Variants in BICC1 observed in about 807,000 individuals in gnomAD.
The protein encoded by BICC1 is protein bicaudal C homolog 1.
In BICC1, 43 loss-of-function variants were observed where a neutral mutation model predicts 111.0. The ratio of observed to expected loss-of-function variants is 0.39; its 90% CI spans 0.30 to 0.50. The LOEUF (loss-of-function observed/expected upper bound fraction) is 0.50, where lower values mean the gene tolerates loss of function less well. BICC1 is among the 20% of genes least tolerant of loss of function. The probability of loss-of-function intolerance (pLI) is 0.88; values close to 1 mark genes in which losing one functional copy is unlikely to be tolerated. For missense variants in BICC1, 1,091 were observed against 1,203.2 expected (o/e 0.91, Z 1.38); for synonymous variants, 467 against 434.4 (o/e 1.07, Z -0.93).
chr10:58,513,658 C>T (rs1842160317), intron 1 of BICC1, among the ~76,000 whole-genome samples: 1 of 152,254 alleles, frequency 6.6e-6, no homozygotes, highest in Admixed American at 6.5e-5. Context: ...GACACCTGGG[C>T]TGTGCCATCC....
chr10:58,526,164 A>G (rs1658489), intron 1 of BICC1, among the ~76,000 whole-genome samples: 69,596 of 151,418 alleles, frequency 0.46, 17,055 homozygotes, highest in Admixed American at 0.62. Flanking sequence ...GCAACAACTC[A>G]TGACATACAG....
chr10:58,696,420 T>G lies in BICC1; in HGVS notation c.238-5654T>G, dbSNP rs557038556. On this transcript the variant is annotated intron_variant, in intron 2 of 20. Transcript: ENST00000373886. ...AATTGATATTCTTTGGGCAAGCCCTTTTTTTACTATGAATATTTGCTATTC... is the reference window on the plus strand; with the variant it reads ...AATTGATATTCTTTGGGCAAGCCCTGTTTTTACTATGAATATTTGCTATTC... Among the ~76,000 whole-genome samples, 25 of 152,252 alleles carry G rather than the reference T, an allele frequency of 1.6e-4. No individual in the cohort carries two copies. In the South Asian group the frequency reaches 4.8e-3, roughly 29 times the overall value.
At chr10:58,789,092 A>G (rs973980671) in intron 6 of BICC1, among the ~76,000 whole-genome samples, 170 bp from the exon 7 acceptor site, 2 of 152,142 alleles carry the variant, frequency 1.3e-5, no homozygotes, top group African/African-American at 4.8e-5. Flanking sequence ...CTCTGACTCA[A>G]AAAACAGAAA....
chr10:58,562,473 T>C (rs934840905), intron 1 of BICC1, among the ~76,000 whole-genome samples: 1 of 152,096 alleles, frequency 6.6e-6, no homozygotes, highest in Non-Finnish European at 1.5e-5. Flanking sequence ...TTTTGTTCTT[T>C]TTTATATCTA....
chr10:58,521,484 A>G (rs911507336), intron 1 of BICC1, among the ~76,000 whole-genome samples: 5 of 152,104 alleles, frequency 3.3e-5, no homozygotes, highest in African/African-American at 1.2e-4. Context: ...AGCAAAGGAC[A>G]TGGAAATTTT....
chr10:58,794,194 T>TGC lies in BICC1; in HGVS notation c.1179+580_1179+581insCG, dbSNP rs1445782942. ...GTGTGTGTGTGTGTGTGTGTGTGTG[T>TGC]GTGTGTGTGTGTGTGTACATGCCCA... On this transcript the variant is annotated intron_variant, in intron 9 of 20. Transcript: ENST00000373886. 1.5e-3 allele frequency among the ~76,000 whole-genome samples: 220 copies of TGC among 151,548 alleles called. 4 individuals are homozygous for TGC. The East Asian group carries it at 0.026, about 18-fold the overall frequency.
At chr10:58,668,618 T>C (rs1839089909) in intron 2 of BICC1, among the ~76,000 whole-genome samples, 1 of 152,086 alleles carries the variant, frequency 6.6e-6, no homozygotes, top group Non-Finnish European at 1.5e-5. Flanking sequence ...GGGAAAAGTG[T>C]TTTATTGATA....
intron 2 of BICC1, among the ~76,000 whole-genome samples, chr10:58,682,431 A>G (rs1373232995): frequency 6.6e-6 from 1 of 152,206 alleles, no homozygotes; most frequent in African/African-American, 2.4e-5. Context: ...TAGATCCTTG[A>G]GGAATTGCCA....
At chr10:58,596,463 T>G (rs1844816544) in intron 1 of BICC1, among the ~76,000 whole-genome samples, 1 of 152,114 alleles carries the variant, frequency 6.6e-6, no homozygotes, top group Non-Finnish European at 1.5e-5. Context: ...TCATAGTAAA[T>G]GGGCAAAACT....
intron 3 of BICC1, among the ~76,000 whole-genome samples, chr10:58,732,348 A>G (rs1727770003): frequency 8.0e-6 from 1 of 124,314 alleles, no homozygotes; most frequent in African/African-American, 3.2e-5. Context: ...GAGGAAGAGG[A>G]GTGTATGTGT....
At chr10:58,668,498 AAT>A (rs1458519264) in intron 2 of BICC1, among the ~76,000 whole-genome samples, 1 of 152,104 alleles carries the variant, frequency 6.6e-6, no homozygotes, top group African/African-American at 2.4e-5. Context: ...GTATCCCAGT[AAT>A]CATATTTGAG....
At chr10:58,556,988 C>T (rs139194576) in intron 1 of BICC1, among the ~76,000 whole-genome samples, 141 of 152,076 alleles carry the variant, frequency 9.3e-4, no homozygotes, top group African/African-American at 3.2e-3. Context: ...TGTTACCTCG[C>T]GTTGTAAAAG....
At chr10:58,638,731 C>T (rs1461166189) in intron 2 of BICC1, among the ~76,000 whole-genome samples, 1 of 152,206 alleles carries the variant, frequency 6.6e-6, no homozygotes, top group South Asian at 2.1e-4. Flanking sequence ...GAGGAGAAAG[C>T]AGGCAGAGAT....
At chr10:58,515,440 C>G (rs1842217866) in intron 1 of BICC1, among the ~76,000 whole-genome samples, 1 of 152,146 alleles carries the variant, frequency 6.6e-6, no homozygotes, top group Non-Finnish European at 1.5e-5. Context: ...TGTTACTAGG[C>G]TACAAGGCGT....
intron 2 of BICC1, among the ~76,000 whole-genome samples, chr10:58,700,804 G>A (rs1840210421): frequency 1.3e-5 from 2 of 152,222 alleles, no homozygotes; most frequent in African/African-American, 2.4e-5. Flanking sequence ...CTGTTTCTCA[G>A]TGCCAGCCAA....
chr10:58,524,362 A>G (rs1375862081), intron 1 of BICC1, among the ~76,000 whole-genome samples: 1 of 152,130 alleles, frequency 6.6e-6, no homozygotes, highest in Non-Finnish European at 1.5e-5. Flanking sequence ...ATATAGATCA[A>G]TGGAACAGAA....
intron 2 of BICC1, among the ~76,000 whole-genome samples, chr10:58,670,936 C>A (rs921803495): frequency 2.0e-5 from 3 of 152,162 alleles, no homozygotes; most frequent in African/African-American, 7.2e-5. Flanking sequence ...AAAGAAGCCT[C>A]ACCCCATAGA....
chr10:58,807,139 C>T lies in BICC1; in HGVS notation c.2357C>T (p.Thr786Ile). 6.2e-7 allele frequency: 1 copy of T among 1,613,588 alleles called. No individual in the cohort carries two copies. The highest frequency in any genetic ancestry group is 8.5e-7 in the Non-Finnish European group (1 of 1,179,742). ...RRANHVSYKP[T>I]MTTTYEGSSM... The stretch of plus-strand genomic sequence containing the variant: ...GCCAATCATGTGTCCTATAAGCCCA[C>T]AATGACAACCACTTATGAGGTTTGT... The change falls in exon 17 of 21, where the codon ACA (threonine) becomes ATA (isoleucine). Residue 786 changes from threonine (T) to isoleucine (I), a missense_variant. Transcript: ENST00000373886.
intron 2 of BICC1, among the ~76,000 whole-genome samples, chr10:58,638,774 T>C (rs1488222969): frequency 6.6e-6 from 1 of 152,222 alleles, no homozygotes; most frequent in Non-Finnish European, 1.5e-5. Context: ...TCAAGGCCTC[T>C]GGTTCCGTTA....
Sources: gnomAD v4.1 joint callset for allele counts (sites outside exome capture counted in the v4.1 genomes callset) on GRCh38, gnomAD v4.1.1 for gene constraint, MANE v1.5 for transcripts, NCBI Gene and HGNC (gene_info 2026-07-23, HGNC 2026-07-21) for gene names.